Variants in USP28 observed in about 807,000 individuals in gnomAD.
The protein encoded by USP28 is ubiquitin specific peptidase 28.
USP28 carries 113 observed loss-of-function variants against 145.0 expected under a neutral mutation model. That is an observed-to-expected ratio of 0.78 (90% CI 0.67 to 0.91). The LOEUF is 0.91. USP28 is among the 40% of genes least tolerant of loss of function. The pLI is 0.00. For missense variants in USP28, 1,201 were observed against 1,289.6 expected, an observed-to-expected ratio of 0.93 and a Z score of 1.05; for synonymous variants, 447 against 450.9, an observed-to-expected ratio of 0.99 and a Z score of 0.11.
chr11:113,827,493 G>C (rs1943512986), intron 10 of USP28, 133 bp from the exon 11 acceptor site: 12 of 868,736 alleles, frequency 1.4e-5, no homozygotes, highest in Non-Finnish European at 2.0e-5. Flanking sequence ...ACTCATACTA[G>C]AACTTTTTTT....
At chr11:113,841,159 T>C (rs909486043) in intron 4 of USP28, among the ~76,000 whole-genome samples, 4 of 152,162 alleles carry the variant, frequency 2.6e-5, no homozygotes, top group Non-Finnish European at 5.9e-5. Flanking sequence ...CTGTGTTCCC[T>C]GAAATAAACA....
intron 16 of USP28, among the ~76,000 whole-genome samples, chr11:113,809,949 C>T (rs1028494863): frequency 2.7e-5 from 4 of 148,770 alleles, no homozygotes; most frequent in Admixed American, 6.9e-5. Context: ...GTGGGAGAAT[C>T]GCTTGAACCT....
chr11:113,805,697 A>C (rs1939833020), intron 19 of USP28, among the ~76,000 whole-genome samples: 1 of 152,218 alleles, frequency 6.6e-6, no homozygotes, highest in Non-Finnish European at 1.5e-5. Flanking sequence ...TTACTCAAGT[A>C]TTTTTAAAAA....
intron 1 of USP28, among the ~76,000 whole-genome samples, chr11:113,855,503 T>C (rs1300440640): frequency 1.3e-5 from 2 of 152,246 alleles, no homozygotes; most frequent in African/African-American, 2.4e-5. Context: ...CTCAGAGAGA[T>C]AGCCTACATT....
chr11:113,872,638 A>C (rs1044651931), intron 1 of USP28, among the ~76,000 whole-genome samples: 1 of 152,212 alleles, frequency 6.6e-6, no homozygotes, highest in African/African-American at 2.4e-5. Context: ...AAGGGCATTA[A>C]ATTTTCACTG....
intron 3 of USP28, among the ~76,000 whole-genome samples, chr11:113,845,132 AC>A (rs1441426570): frequency 5.3e-5 from 8 of 149,782 alleles, no homozygotes; most frequent in Non-Finnish European, 1.0e-4. Context: ...AAAAAAAAAA[AC>A]AACAAAATAA....
chr11:113,875,560 C>T, exon 1 of USP28: 3 of 1,111,494 alleles, frequency 2.7e-6, no homozygotes, highest in Non-Finnish European at 3.3e-6. Flanking sequence ...CCGGCCCAGC[C>T]TCTCAGGACT....
In USP28 at chr11:113,823,706, T is replaced by G. The variant is rs755851606; in HGVS notation, c.1188-6A>C. 1 of 1,585,220 alleles carries G rather than the reference T, an allele frequency of 6.3e-7. No individual in the cohort carries two copies. The highest frequency in any genetic ancestry group is 8.6e-7 in the Non-Finnish European group (1 of 1,164,598). Reference sequence around the variant, plus strand: ...CCTTGCTCCTGTACATGTACCTAAGTAAATAATCCCACAAACACAATTTAT... The same window carrying G: ...CCTTGCTCCTGTACATGTACCTAAGGAAATAATCCCACAAACACAATTTAT... On this transcript the variant is annotated splice_polypyrimidine_tract_variant and splice_region_variant and intron_variant, in intron 11 of 24. Coordinates refer to ENST00000003302, the Ensembl canonical transcript of USP28.
chr11:113,842,832 T>C (rs929284112), intron 3 of USP28, among the ~76,000 whole-genome samples: 2 of 152,098 alleles, frequency 1.3e-5, no homozygotes, highest in African/African-American at 4.8e-5. Flanking sequence ...AAAACTTTTA[T>C]ACTTAACGGA....
chr11:113,798,184 G>A (rs1277196183), exon 25 of USP28: 2 of 151,366 alleles, frequency 1.3e-5, no homozygotes, highest in Non-Finnish European at 1.5e-5. Context: ...GCTGAGGGAG[G>A]CAGATAGATC....
chr11:113,814,065 TCCCTCTATGAA>T (rs1941371735), intron 14 of USP28, 110 bp from the exon 15 acceptor site: 1 of 771,200 alleles, frequency 1.3e-6, no homozygotes, highest in African/African-American at 1.8e-5. Context: ...GATTTCAGCT[TCCCTCTATGAA>T]CCACGAAGCA....
chr11:113,798,619 G>A (rs1039541325), exon 25 of USP28: 1 of 149,972 alleles, frequency 6.7e-6, no homozygotes, highest in Non-Finnish European at 1.5e-5. Context: ...ACTGAGGACT[G>A]AGTATGAGGT....
At chr11:113,847,029 A>C (rs1945938997) in intron 3 of USP28, among the ~76,000 whole-genome samples, 1 of 152,170 alleles carries the variant, frequency 6.6e-6, no homozygotes. Context: ...TCCAATTATC[A>C]CTATAACTAT....
intron 12 of USP28, 125 bp downstream of exon 12, chr11:113,823,480 T>G: frequency 1.3e-6 from 1 of 771,744 alleles, no homozygotes; most frequent in Non-Finnish European, 2.0e-6. Flanking sequence ...ACAAAAAATT[T>G]TCTTAGCTGT....
intron 3 of USP28, among the ~76,000 whole-genome samples, chr11:113,850,479 C>T (rs1035195107): frequency 6.6e-6 from 1 of 152,004 alleles, no homozygotes; most frequent in Non-Finnish European, 1.5e-5. Context: ...CAATGTTGAC[C>T]GAAAAAAGTT....
intron 1 of USP28, among the ~76,000 whole-genome samples, chr11:113,856,108 T>C (rs1342572874): frequency 6.6e-6 from 1 of 152,188 alleles, no homozygotes; most frequent in Non-Finnish European, 1.5e-5. Flanking sequence ...AGATTCAGCC[T>C]GAGCAAAAAC....
chr11:113,807,103 C>T (rs1055471561), intron 18 of USP28, among the ~76,000 whole-genome samples: 2 of 151,520 alleles, frequency 1.3e-5, no homozygotes, highest in East Asian at 1.9e-4. Flanking sequence ...GACAGAGTCT[C>T]GCTCTGTCGC....
chr11:113,798,338 C>G (rs2134974142), exon 25 of USP28: 1 of 151,690 alleles, frequency 6.6e-6, no homozygotes, highest in East Asian at 1.9e-4. Flanking sequence ...TCACTTGAGC[C>G]CAGGAGACAG....
intron 9 of USP28, 90 bp downstream of exon 9, chr11:113,830,777 A>T (rs1943889422): frequency 8.0e-7 from 1 of 1,244,902 alleles, no homozygotes; most frequent in Non-Finnish European, 1.2e-6. Context: ...CTGACTCTCA[A>T]GCCTATTCAC....
Sources: gnomAD v4.1 joint callset for allele counts (sites outside exome capture counted in the v4.1 genomes callset) on GRCh38, gnomAD v4.1.1 for gene constraint, MANE v1.5 for transcripts, NCBI Gene and HGNC (gene_info 2026-07-23, HGNC 2026-07-21) for gene names.